Variants in UBE3D observed in about 807,000 individuals in gnomAD.
UBE3D encodes E3 ubiquitin-protein ligase E3D.
In UBE3D, 48 loss-of-function variants were observed where a neutral mutation model predicts 49.6. That is an observed-to-expected ratio of 0.97 (90% CI 0.77 to 1.23). The LOEUF is 1.23. Among genes scored for constraint, UBE3D ranks in the 50% most tolerant of loss-of-function variants. UBE3D has a pLI of 0.00. For missense variants in UBE3D, 452 were observed against 468.4 expected, an observed-to-expected ratio of 0.96 and a Z score of 0.32; for synonymous variants, 189 against 174.2, an observed-to-expected ratio of 1.08 and a Z score of -0.67.
intron 3 of UBE3D, among the ~76,000 whole-genome samples, chr6:83,045,123 A>C (rs896327547): frequency 6.6e-6 from 1 of 152,204 alleles, no homozygotes; most frequent in Non-Finnish European, 1.5e-5. Flanking sequence ...CTCTGTGATG[A>C]ATGTTCCTGT....
intron 9 of UBE3D, among the ~76,000 whole-genome samples, chr6:82,935,473 A>T (rs1774498429): frequency 6.6e-6 from 1 of 152,146 alleles, no homozygotes; most frequent in Non-Finnish European, 1.5e-5. Flanking sequence ...AGAAGGTCGG[A>T]ATGAGGAAAT....
intron 9 of UBE3D, chr6:82,938,336 A>G (rs1240406096): frequency 1.3e-5 from 2 of 152,162 alleles, no homozygotes; most frequent in African/African-American, 2.4e-5. Flanking sequence ...CGACTGTCCT[A>G]CCACATCAGA....
intron 8 of UBE3D, among the ~76,000 whole-genome samples, chr6:82,964,601 G>GC (rs1776779939): frequency 6.6e-6 from 1 of 152,130 alleles, no homozygotes; most frequent in Non-Finnish European, 1.5e-5. Context: ...AATTTTAGAT[G>GC]CTCACTTTCA....
intron 8 of UBE3D, among the ~76,000 whole-genome samples, chr6:83,005,385 T>C (rs1209946071): frequency 6.6e-5 from 10 of 151,532 alleles, no homozygotes; most frequent in South Asian, 2.1e-4. Context: ...TTTGATAGGA[T>C]TGTAAAATGC....
the UBE3D span, among the ~76,000 whole-genome samples, chr6:82,881,002 G>C: frequency 2.0e-5 from 3 of 152,074 alleles, no homozygotes; most frequent in African/African-American, 7.2e-5. Flanking sequence ...ATTCATAAGG[G>C]CTCTTCTGTC....
chr6:83,008,714 T>C (rs1465680088), intron 8 of UBE3D, among the ~76,000 whole-genome samples: 1 of 152,164 alleles, frequency 6.6e-6, no homozygotes, highest in Non-Finnish European at 1.5e-5. Context: ...TGGACTAAAA[T>C]AGTTAATACA....
intron 9 of UBE3D, among the ~76,000 whole-genome samples, chr6:82,903,212 G>T (rs926198382): frequency 1.3e-5 from 2 of 151,896 alleles, no homozygotes; most frequent in Non-Finnish European, 2.9e-5. Flanking sequence ...GTCTCAAACT[G>T]CTGGCTTCAA....
intron 8 of UBE3D, among the ~76,000 whole-genome samples, chr6:82,960,951 A>C (rs745561797): frequency 2.0e-5 from 3 of 152,126 alleles, no homozygotes; most frequent in Non-Finnish European, 4.4e-5. Context: ...AATTTTTTTA[A>C]AAAGTGTGGT....
intron 8 of UBE3D, among the ~76,000 whole-genome samples, chr6:83,015,766 C>T (rs904226694): frequency 9.2e-5 from 14 of 152,144 alleles, no homozygotes; most frequent in African/African-American, 3.4e-4. Context: ...CTGGCAACTG[C>T]CTCAGGGGAG....
At chr6:83,013,693 T>C (rs957322722) in intron 8 of UBE3D, among the ~76,000 whole-genome samples, 2 of 152,242 alleles carry the variant, frequency 1.3e-5, no homozygotes, top group Non-Finnish European at 2.9e-5. Context: ...AGAAGGAATA[T>C]CTCAACAGGC....
intron 5 of UBE3D, among the ~76,000 whole-genome samples, chr6:83,029,270 CA>C (rs1395317543): frequency 6.6e-6 from 1 of 152,076 alleles, no homozygotes; most frequent in Non-Finnish European, 1.5e-5. Flanking sequence ...GATATTGTCC[CA>C]CAAACTGGAA....
chr6:82,976,167 T>A (rs552511265), intron 8 of UBE3D, among the ~76,000 whole-genome samples: 25 of 152,320 alleles, frequency 1.6e-4, no homozygotes, highest in African/African-American at 5.8e-4. Flanking sequence ...TGTGGCTTCT[T>A]TGGAGATCGG....
chr6:82,971,181 A>G (rs1245790129), intron 8 of UBE3D, among the ~76,000 whole-genome samples: 1 of 152,178 alleles, frequency 6.6e-6, no homozygotes, highest in Admixed American at 6.5e-5. Context: ...CTAATTATAT[A>G]TCATAATATT....
intron 8 of UBE3D, among the ~76,000 whole-genome samples, chr6:82,987,051 C>G (rs978604304): frequency 6.6e-6 from 1 of 151,884 alleles, no homozygotes; most frequent in African/African-American, 2.4e-5. Context: ...CTCAAGCTAT[C>G]CTCCTCCCTC....
chr6:83,036,758 T>C (rs923946686), intron 5 of UBE3D: 14 of 151,734 alleles, frequency 9.2e-5, no homozygotes, highest in African/African-American at 3.4e-4. Context: ...AGTCTCCCTA[T>C]GTTCTCCAGG....
At chr6:83,007,439 T>A (rs1780053530) in intron 8 of UBE3D, among the ~76,000 whole-genome samples, 1 of 152,170 alleles carries the variant, frequency 6.6e-6, no homozygotes, top group African/African-American at 2.4e-5. Flanking sequence ...ACTTCTTTAC[T>A]CCCTACTAAT....
At chr6:82,999,546 A>C (rs1253280089) in intron 8 of UBE3D, among the ~76,000 whole-genome samples, 2 of 152,046 alleles carry the variant, frequency 1.3e-5, no homozygotes, top group Non-Finnish European at 2.9e-5. Flanking sequence ...CACCACACCC[A>C]GCTAATTTTT....
intron 5 of UBE3D, among the ~76,000 whole-genome samples, chr6:83,025,944 T>C (rs1582675090): frequency 7.7e-6 from 1 of 129,680 alleles, no homozygotes; most frequent in Admixed American, 7.6e-5. Context: ...TAATTAAACA[T>C]ATAAGAATTT....
At chr6:82,971,877 G>A (rs566006688) in intron 8 of UBE3D, among the ~76,000 whole-genome samples, 31 of 152,272 alleles carry the variant, frequency 2.0e-4, no homozygotes, top group African/African-American at 7.5e-4. Flanking sequence ...TTTATTTGGA[G>A]TTGCATTAGA....
Sources: gnomAD v4.1 joint callset for allele counts (sites outside exome capture counted in the v4.1 genomes callset) on GRCh38, gnomAD v4.1.1 for gene constraint, MANE v1.5 for transcripts, NCBI Gene and HGNC (gene_info 2026-07-23, HGNC 2026-07-21) for gene names.